PIWIL3: variants seen among roughly 807,000 people sequenced by gnomAD.
PIWIL3 encodes piwi-like protein 3.
In PIWIL3, 101 loss-of-function variants were observed where a neutral mutation model predicts 109.7. That is an observed-to-expected ratio of 0.92 (90% CI 0.78 to 1.09). The LOEUF (loss-of-function observed/expected upper bound fraction) is 1.09, where lower values mean the gene tolerates loss of function less well. PIWIL3 is among the 50% of genes least tolerant of loss of function. The pLI, the probability that PIWIL3 is intolerant of heterozygous loss-of-function variation, is 0.00. For synonymous variants in PIWIL3, 373 were observed against 376.4 expected (o/e 0.99, Z 0.10); for missense variants, 1,031 against 1,072.6 (o/e 0.96, Z 0.54).
chr22:24,759,945 C>T lies in PIWIL3; in HGVS notation c.147G>A (p.Gln49=). 1 of 1,614,198 alleles carries T rather than the reference C, an allele frequency of 6.2e-7. No homozygotes were observed. Among genetic ancestry groups the T allele is most frequent in the Non-Finnish European group, 8.5e-7 (1 of 1,180,038 alleles). Residue 49 remains glutamine, a synonymous_variant, in exon 3 of 21, where the codon CAG becomes CAA. Transcript: ENST00000616349. ...PQLQSTPRPL[Q]EEVPVVRPLQ... is the part of the protein sequence containing the mutation. The stretch of plus-strand genomic sequence containing the variant: ...GAGGTCTAACCACTGGGACTTCCTC[C>T]TGCAGCGGCCGGGGTGTCGACTGCA...
chr22:24,740,218 C>CAA lies in PIWIL3; in HGVS notation c.1450-4328_1450-4327dup, dbSNP rs71189272. ...CCTGGGCAACGGAGGGAGACTGTCT[C>CAA]AAAAAAAAAAAAAAAATTTCTAAAA... On this transcript the variant is annotated intron_variant, in intron 12 of 20. Transcript: ENST00000616349. Among the ~76,000 whole-genome samples, 13 of 63,896 alleles carry CAA rather than the reference C, an allele frequency of 2.0e-4. 1 individual carries two copies. In the East Asian group the frequency reaches 3.1e-3, roughly 15 times the overall value. The allele number at this position is 63,896 out of a possible 152,430, so 41.9% of individuals were successfully genotyped here. A position where few individuals can be genotyped will look rare whatever the true frequency, so the allele number is the denominator to read the frequency against.
At chr22:24,757,079 CAAAAAAA>C (rs71189275) in intron 4 of PIWIL3, among the ~76,000 whole-genome samples, 31,936 of 93,230 alleles carry the variant, frequency 0.34, 3,905 homozygotes, top group East Asian at 0.56. Flanking sequence ...AACTCCGTCT[CAAAAAAA>C]AAAAAAAAAA....
chr22:24,754,304 G>T lies in PIWIL3; in HGVS notation c.774-87C>A, dbSNP rs527315160. On this transcript the variant is annotated intron_variant, in intron 7 of 20. Transcript: ENST00000616349. ...GCCTAAGCTCTGGGTCTAAAAATTG[G>T]TACTTAGGAGTCAGTTTTAAGTATT... 1.3e-3 allele frequency: 1,322 copies of T among 1,044,434 alleles called. 19 individuals carry two copies. The South Asian group carries it at 0.019, about 15-fold the overall frequency. The allele number at this position is 1,044,434 out of a possible 1,614,324, so 64.7% of individuals were successfully genotyped here. A position where few individuals can be genotyped will look rare whatever the true frequency, so the allele number is the denominator to read the frequency against.
chr22:24,722,986 C>T, intron 19 of PIWIL3, 144 bp downstream of exon 19: 5 of 895,756 alleles, frequency 5.6e-6, no homozygotes, highest in Non-Finnish European at 8.3e-6. Flanking sequence ...GGAATCTCTG[C>T]CCAATAGTAA....
At chr22:24,751,325 C>T (rs1924698593) in intron 9 of PIWIL3, 62 bp downstream of exon 9, 2 of 1,472,652 alleles carry the variant, frequency 1.4e-6, no homozygotes, top group African/African-American at 2.8e-5. Context: ...AGCTAAATAA[C>T]ACAAACTGAA....
At chr22:24,759,785 G>A (rs1464032208) in intron 3 of PIWIL3, 84 bp downstream of exon 3, 1 of 1,585,414 alleles carries the variant, frequency 6.3e-7, no homozygotes, top group African/African-American at 1.3e-5. Context: ...GAGTCCTGAG[G>A]CTATCTAGAA....
chr22:24,750,977 A>T (rs13056298), intron 9 of PIWIL3, among the ~76,000 whole-genome samples: 62,550 of 151,152 alleles, frequency 0.41, 13,131 homozygotes, highest in East Asian at 0.54. Flanking sequence ...TACAAAAATT[A>T]GCCAGGCGTG....
At chr22:24,745,713 C>A (rs1264968146) in intron 12 of PIWIL3, among the ~76,000 whole-genome samples, 2 of 71,184 alleles carry the variant, frequency 2.8e-5, no homozygotes, top group African/African-American at 6.1e-5. Context: ...TTTAGTCAGA[C>A]TAAGAAAAAA....
chr22:24,734,965 C>T (rs150061968), intron 13 of PIWIL3, among the ~76,000 whole-genome samples: 164 of 150,910 alleles, frequency 1.1e-3, no homozygotes, highest in African/African-American at 3.8e-3. Flanking sequence ...CAAAAGAAGC[C>T]GAGGCTGAGA....
At position 24,748,922 on chromosome 22, in the gene PIWIL3, C is replaced by T. The variant is rs1342723781; in HGVS notation, c.1434G>A (p.Val478=). The T allele has an allele frequency of 8.7e-6, 14 of 1,611,574 alleles. No homozygotes were observed. The highest frequency in any genetic ancestry group is 7.7e-5 in the South Asian group (7 of 90,870). The change falls in exon 12 of 21, where the codon GTG becomes GTA. Residue 478 remains valine (V), a synonymous_variant. Coordinates refer to ENST00000616349, the MANE Select transcript of PIWIL3 (RefSeq NM_001255975.1). ...PGRVLKNANI[V]QGRRMVKANS... is the part of the protein sequence containing the mutation. ...ACTGTCTTACCATTCTTCTGCCTTG[C>T]ACGATGTTTGCGTTTTTCAAAACTC...
At chr22:24,725,349 T>C in intron 17 of PIWIL3, 96 bp downstream of exon 17, 1 of 1,468,858 alleles carries the variant, frequency 6.8e-7, no homozygotes, top group South Asian at 1.2e-5. Context: ...AAACTAAAGG[T>C]TCAGTCATTA....
At chr22:24,773,726 T>TC (rs1926260838) in intron 1 of PIWIL3, among the ~76,000 whole-genome samples, 2 of 79,618 alleles carry the variant, frequency 2.5e-5, no homozygotes, top group South Asian at 9.9e-4. Flanking sequence ...TTTTTTTTTT[T>TC]TGAGATGGGA....
intron 18 of PIWIL3, among the ~76,000 whole-genome samples, chr22:24,724,565 G>C (rs1922878052): frequency 6.6e-6 from 1 of 151,848 alleles, no homozygotes; most frequent in African/African-American, 2.4e-5. Flanking sequence ...CTCCCGAGTA[G>C]CTGGGATTAC....
intron 14 of PIWIL3, among the ~76,000 whole-genome samples, chr22:24,732,592 G>A (rs1923417151): frequency 1.3e-5 from 2 of 152,176 alleles, no homozygotes; most frequent in Non-Finnish European, 2.9e-5. Flanking sequence ...GGGAGGCCGA[G>A]GCAGGTGGAT....
intron 12 of PIWIL3, among the ~76,000 whole-genome samples, chr22:24,740,136 T>C (rs1199648149): frequency 6.9e-6 from 1 of 145,228 alleles, no homozygotes; most frequent in Admixed American, 7.1e-5. Flanking sequence ...GAGAATTGCT[T>C]GAACCCAGGA....
intron 19 of PIWIL3, among the ~76,000 whole-genome samples, chr22:24,720,132 C>CACTGAAACCTAGAGGAAGAA (rs1289414687): frequency 3.7e-4 from 57 of 152,234 alleles, no homozygotes; most frequent in African/African-American, 1.3e-3. Context: ...CAAGTACATG[C>CACTGAAACCTAGAGGAAGAA]ACTGAAACCT....
At chr22:24,754,957 CTG>C (rs1924936290) in intron 6 of PIWIL3, 93 bp from the exon 7 acceptor site, 1 of 975,492 alleles carries the variant, frequency 1.0e-6, no homozygotes, top group African/African-American at 1.6e-5. Flanking sequence ...CTGTCAATGA[CTG>C]TTTATATTAT....
At chr22:24,755,949 C>T (rs941581881) in intron 5 of PIWIL3, 44 bp from the exon 6 acceptor site, 1 of 1,589,204 alleles carries the variant, frequency 6.3e-7, no homozygotes, top group Non-Finnish European at 8.6e-7. Context: ...GATATTCTTC[C>T]AAAAAACTAA....
rs535978000 is a variant in PIWIL3, at chr22:24,720,299, T to G, written c.2358-404A>C. 2.1e-3 allele frequency among the ~76,000 whole-genome samples: 294 copies of G among 136,756 alleles called. 2 individuals are homozygous for G. The highest frequency in any genetic ancestry group is 8.2e-3 in the African/African-American group (287 of 34,938). The allele number at this position is 136,756 out of a possible 152,430, so 89.7% of individuals were successfully genotyped here. A position where few individuals can be genotyped will look rare whatever the true frequency, so the allele number is the denominator to read the frequency against. Reference sequence around the variant, plus strand: ...TTTTTTTTTTTTTTTTTAGACGGAGTCTGGCTCTGTCGCCCAGGCTGGAGT... The same window carrying G: ...TTTTTTTTTTTTTTTTTAGACGGAGGCTGGCTCTGTCGCCCAGGCTGGAGT... On this transcript the variant is annotated intron_variant, in intron 19 of 20. Coordinates refer to ENST00000616349, the MANE Select transcript of PIWIL3 (RefSeq NM_001255975.1).
Sources: allele counts gnomAD v4.1 joint callset (sites outside exome capture counted in the v4.1 genomes callset), GRCh38; gene constraint gnomAD v4.1.1; transcripts MANE v1.5; gene names NCBI Gene and HGNC (gene_info 2026-07-23, HGNC 2026-07-21).